Variants in FGFRL1 observed in about 807,000 individuals in gnomAD.
FGFRL1 encodes the protein fibroblast growth factor receptor-like 1.
Under a neutral mutation model 36.8 loss-of-function variants are expected in FGFRL1, and 24 were observed. The ratio of observed to expected loss-of-function variants is 0.65; its 90% CI spans 0.47 to 0.92. FGFRL1 has a LOEUF of 0.92. Ranked by LOEUF, FGFRL1 falls within the 40% of genes least tolerant of loss-of-function variation. FGFRL1 has a pLI of 0.00. For missense variants in FGFRL1, 785 were observed against 753.4 expected, an observed-to-expected ratio of 1.04 and a Z score of -0.49; for synonymous variants, 422 against 344.1, an observed-to-expected ratio of 1.23 and a Z score of -2.50.
Position 1,011,790 on chromosome 4 carries a change from G to T in FGFRL1, c.-181G>T. Reference sequence around the variant, plus strand: ...CCCCGAGCGCCCGAGCCCGGACCCCGACCCGGCCCGAGCCGCCCGCGCCCA... The same window carrying T: ...CCCCGAGCGCCCGAGCCCGGACCCCTACCCGGCCCGAGCCGCCCGCGCCCA... On this transcript the variant is annotated 5_prime_UTR_variant, in exon 1 of 7. Transcript: ENST00000510644. 1.5e-5 allele frequency: 2 copies of T among 137,280 alleles called. No individual in the cohort carries two copies. The highest frequency in any genetic ancestry group is 4.7e-4 in the South Asian group (2 of 4,226). The allele number at this position is 137,280 out of a possible 1,614,324, so 8.5% of individuals were successfully genotyped here. A position where few individuals can be genotyped will look rare whatever the true frequency, so the allele number is the denominator to read the frequency against.
chr4:1,018,793 G>C (rs1036711447), intron 2 of FGFRL1, among the ~76,000 whole-genome samples: 7 of 152,164 alleles, frequency 4.6e-5, no homozygotes, highest in African/African-American at 1.7e-4. Context: ...GTCCTGGTGT[G>C]ATCATTCCCC....
In FGFRL1 at chr4:1,024,622, A is replaced by G. The variant is rs139387602; in HGVS notation, c.1030A>G (p.Met344Val). The G allele has an allele frequency of 1.9e-6, 3 of 1,610,496 alleles. No individual in the cohort carries two copies. Among genetic ancestry groups the G allele is most frequent in the Non-Finnish European group, 1.7e-6 (2 of 1,178,728 alleles). ...GTACATCTGCCTTGGCGCCAACACC[A>G]TGGGCTACAGCTTCCGCAGCGCCTT... is the stretch of plus-strand genomic sequence containing the variant. ...GMYICLGANTMGYSFRSAFLT... is the reference protein window; with the variant it reads ...GMYICLGANTVGYSFRSAFLT... The change falls in exon 6 of 7, where the codon ATG becomes GTG. Residue 344 changes from methionine to valine, a missense_variant. Met to Val is a conservative substitution (Grantham distance 21). Coordinates refer to ENST00000510644, the MANE Select transcript of FGFRL1 (RefSeq NM_001004356.3).
rs548395773 is a variant in FGFRL1 at position 1,013,545 on chromosome 4, G to A, written c.79+981G>A. Among the ~76,000 whole-genome samples the A allele has an allele frequency of 2.6e-5, 4 of 151,820 alleles. No homozygotes were observed. The South Asian group carries it at 6.2e-4, about 24-fold the overall frequency. The stretch of plus-strand genomic sequence containing the variant: ...GCCACAGCACCCCCCCCTACCCCCC[G>A]CCTGCCCACATGGGCCTGGCTGAGC... On this transcript the variant is annotated intron_variant, in intron 2 of 6. Coordinates refer to ENST00000510644, the MANE Select transcript of FGFRL1 (RefSeq NM_001004356.3).
At position 1,025,205 on chromosome 4, in the gene FGFRL1, A is replaced by C. The variant is rs567468058; in HGVS notation, c.1373A>C (p.His458Pro). ...CATGGGTCTCCGGCAGCCCCCCAGC[A>C]CTTACTGGGCCCAGGCCCAGTTGCT... The part of the protein sequence containing the change: ...EEHGSPAAPQ[H>P]LLGPGPVAGP... The change falls in exon 7 of 7, where the codon CAC (histidine) becomes CCC (proline). Residue 458 changes from histidine (H) to proline (P), a missense_variant. Physicochemically the swap from His to Pro is moderately conservative, Grantham distance 77. Transcript: ENST00000510644. The C allele has an allele frequency of 1.9e-6, 3 of 1,610,618 alleles. No individual in the cohort carries two copies. The highest frequency in any genetic ancestry group is 3.3e-5 in the Admixed American group (2 of 59,718).
At chr4:1,013,584 G>C (rs947381791) in intron 2 of FGFRL1, among the ~76,000 whole-genome samples, 2 of 152,264 alleles carry the variant, frequency 1.3e-5, no homozygotes, top group African/African-American at 4.8e-5. Flanking sequence ...TGCTCTGAGG[G>C]CCCGGCAGCG....
chr4:1,023,973 C>T lies in FGFRL1; in HGVS notation c.590C>T (p.Ala197Val). The change falls in exon 5 of 7, where the codon GCT becomes GTT. Residue 197 changes from alanine to valine, a missense_variant. By Grantham distance (64) the Ala-to-Val change is moderately conservative. Transcript: ENST00000510644. The surrounding 1 kb of genome is among the most constrained non-coding windows in gnomAD (Gnocchi z 6.0). ...CAGGCCTTGACGCGCCCAGAGGCCG[C>T]TGAGCCCAGGAAGAAGAAGTGGACA... ...DDQALTRPEA[A>V]EPRKKKWTLS... The T allele has an allele frequency of 6.2e-7, 1 of 1,601,032 alleles. No homozygotes were observed. Among genetic ancestry groups the T allele is most frequent in the Non-Finnish European group, 8.5e-7 (1 of 1,176,000 alleles).
chr4:1,023,355 C>G lies in FGFRL1; in HGVS notation c.353-286C>G, dbSNP rs1041174281. ...GGTTACTGCAGCTGCTGGCCGGGCC[C>G]GGCTCCCTCCTCCCCCGGGGCCTGC... On this transcript the variant is annotated intron_variant, in intron 3 of 6. Transcript: ENST00000510644. The surrounding 1 kb of genome is among the most constrained non-coding windows in gnomAD (Gnocchi z 6.0). 2.0e-5 allele frequency among the ~76,000 whole-genome samples: 3 copies of G among 152,118 alleles called. No homozygotes were observed. The highest frequency in any genetic ancestry group is 4.8e-5 in the African/African-American group (2 of 41,426).
At chr4:1,024,282 A>C in intron 5 of FGFRL1, 29 bp from the exon 6 acceptor site, 1 of 1,558,924 alleles carries the variant, frequency 6.4e-7, no homozygotes, top group Non-Finnish European at 8.7e-7. Flanking sequence ...GCGGCCCAGG[A>C]GCCATGCCCG....
rs1340057733 is a variant in FGFRL1 at position 1,025,616 on chromosome 4, GCA to G, written c.*274_*275del. 7.2e-6 allele frequency: 4 copies of G among 552,588 alleles called. No homozygotes were observed. The African/African-American group carries it at 7.6e-5, about 11-fold the overall frequency. 34.2% of individuals were successfully genotyped at this position (552,588 alleles called of 1,614,324 possible). ...GCACATGCACAGATATGCCGCCTGGGCACACAGATAAGCTGCCCAAATGCACG... is the reference window on the plus strand; with the variant it reads ...GCACATGCACAGATATGCCGCCTGGGCACAGATAAGCTGCCCAAATGCACG... On this transcript the variant is annotated 3_prime_UTR_variant, in exon 7 of 7. Transcript: ENST00000510644.
At chr4:1,019,674 T>A (rs1177964712) in intron 2 of FGFRL1, among the ~76,000 whole-genome samples, 2 of 152,048 alleles carry the variant, frequency 1.3e-5, no homozygotes, top group Non-Finnish European at 2.9e-5. Context: ...GGTGGTGGGC[T>A]GGCAGCCCCC....
At position 1,011,705 on chromosome 4, in the gene FGFRL1, G is replaced by A. The variant is rs1715590991; in HGVS notation, c.-266G>A. On this transcript the variant is annotated 5_prime_UTR_variant, in exon 1 of 7. Coordinates refer to ENST00000510644, the MANE Select transcript of FGFRL1 (RefSeq NM_001004356.3). ...CCTCGCCCCGCCGCCCCGGGATCCC[G>A]GCCCCGGCCCCCGGCCCCGCGGACT... is the stretch of plus-strand genomic sequence containing the variant. 1 of 139,036 alleles carries A rather than the reference G, an allele frequency of 7.2e-6. No individual in the cohort carries two copies. The highest frequency in any genetic ancestry group is 2.6e-5 in the African/African-American group (1 of 38,758). 8.6% of individuals were successfully genotyped at this position (139,036 alleles called of 1,614,324 possible).
intron 2 of FGFRL1, among the ~76,000 whole-genome samples, chr4:1,013,434 C>T (rs968958534): frequency 2.0e-5 from 3 of 152,266 alleles, no homozygotes; most frequent in Non-Finnish European, 4.4e-5. Context: ...CCTCCCCTGC[C>T]GCCCAGCAAG....
intron 5 of FGFRL1, 74 bp downstream of exon 5, chr4:1,024,175 G>A (rs982252104): frequency 1.8e-6 from 2 of 1,109,342 alleles, no homozygotes; most frequent in South Asian, 1.9e-5. Context: ...GGGTGCTGGT[G>A]GGCGGGGGCG....
chr4:1,023,561 C>T lies in FGFRL1; in HGVS notation c.353-80C>T. ...GCTGTCCCGGCTGGGGCTGGGGGAG[C>T]TAGAGGCCACGGGGGAGTTGGGGGA... On this transcript the variant is annotated intron_variant, in intron 3 of 6. Transcript: ENST00000510644. The surrounding 1 kb of genome is among the most constrained non-coding windows in gnomAD (Gnocchi z 6.0). 1 of 1,344,972 alleles carries T rather than the reference C, an allele frequency of 7.4e-7. No individual in the cohort carries two copies. Among genetic ancestry groups the T allele is most frequent in the Non-Finnish European group, 1.0e-6 (1 of 962,064 alleles). The allele number at this position is 1,344,972 out of a possible 1,614,324, so 83.3% of individuals were successfully genotyped here.
At position 1,024,158 on chromosome 4, in the gene FGFRL1, C is replaced by T. The variant is rs1475505413; in HGVS notation, c.718+57C>T. 1.9e-4 allele frequency: 60 copies of T among 311,272 alleles called. 1 individual carries two copies. The highest frequency in any genetic ancestry group is 1.1e-3 in the Middle Eastern group (1 of 904). 19.3% of individuals were successfully genotyped at this position (311,272 alleles called of 1,614,324 possible). A position where few individuals can be genotyped will look rare whatever the true frequency, so the allele number is the denominator to read the frequency against. On this transcript the variant is annotated intron_variant, in intron 5 of 6. Transcript: ENST00000510644. ...GGGTGCTGGTGGGCGGGGGCGCTGG[C>T]GGGCGGGGGTGCTGGTGGGCGGGGG...
chr4:1,015,357 C>T (rs910955210), intron 2 of FGFRL1, among the ~76,000 whole-genome samples: 2 of 152,194 alleles, frequency 1.3e-5, no homozygotes, highest in Non-Finnish European at 2.9e-5. Context: ...CTCTCCCTGG[C>T]GGCCATCCCT....
In FGFRL1 at chr4:1,016,069, G is replaced by A. The variant is rs559132306; in HGVS notation, c.79+3505G>A. On this transcript the variant is annotated intron_variant, in intron 2 of 6. Transcript: ENST00000510644. Reference sequence around the variant, plus strand: ...CCCCAGCTCTGTCCTTGAGAAGTCCGCCATGTGAGTGGGAGCAAGGGCCCC... The same window carrying A: ...CCCCAGCTCTGTCCTTGAGAAGTCCACCATGTGAGTGGGAGCAAGGGCCCC... 3.2e-4 allele frequency among the ~76,000 whole-genome samples: 48 copies of A among 152,344 alleles called. 1 individual carries two copies. In the South Asian group the frequency reaches 8.9e-3, roughly 28 times the overall value.
chr4:1,012,397 C>A, intron 1 of FGFRL1, 73 bp from the exon 2 acceptor site: 3 of 1,543,492 alleles, frequency 1.9e-6, no homozygotes, highest in Non-Finnish European at 8.7e-7. Flanking sequence ...CCCCTGATCC[C>A]CGCGGCCCGG....
At chr4:1,018,940 G>C (rs1716033205) in intron 2 of FGFRL1, among the ~76,000 whole-genome samples, 1 of 152,172 alleles carries the variant, frequency 6.6e-6, no homozygotes, top group Non-Finnish European at 1.5e-5. Context: ...GTTTGCTTTA[G>C]GATAAGCCTG....
Sources: gnomAD v4.1 joint callset for allele counts (sites outside exome capture counted in the v4.1 genomes callset) on GRCh38, gnomAD v4.1.1 for gene constraint, Gnocchi (gnomAD v3.1) non-coding constraint, MANE v1.5 for transcripts, NCBI Gene and HGNC (gene_info 2026-07-23, HGNC 2026-07-21) for gene names.